Variants in DOCK2 observed in about 807,000 individuals in gnomAD.
DOCK2 encodes dedicator of cytokinesis protein 2.
Under a neutral mutation model 248.9 loss-of-function variants are expected in DOCK2, and 87 were observed. The ratio of observed to expected loss-of-function variants is 0.35; its 90% confidence interval spans 0.29 to 0.42. The LOEUF is 0.42. Ranked by LOEUF, DOCK2 falls within the 10% of genes least tolerant of loss-of-function variation. The probability of loss-of-function intolerance (pLI) is 1.00; values close to 1 mark genes in which losing one functional copy is unlikely to be tolerated. For missense variants in DOCK2, 1,747 were observed against 2,300.2 expected, an observed-to-expected ratio of 0.76 and a Z score of 4.92; for synonymous variants, 805 against 821.6, an observed-to-expected ratio of 0.98 and a Z score of 0.35.
chr5:169,776,348 AG>A (rs1302656281), intron 25 of DOCK2, among the ~76,000 whole-genome samples: 1 of 151,846 alleles, frequency 6.6e-6, no homozygotes, highest in East Asian at 1.9e-4. Flanking sequence ...TATTTTTTGT[AG>A]GGACAGGGTC....
intron 22 of DOCK2, among the ~76,000 whole-genome samples, chr5:169,738,114 G>T (rs1763134134): frequency 6.6e-6 from 1 of 152,184 alleles, no homozygotes; most frequent in Admixed American, 6.5e-5. Context: ...TTGCTTGCTT[G>T]GTGGTGGGGA....
intron 23 of DOCK2, among the ~76,000 whole-genome samples, chr5:169,758,950 A>G (rs1182680432): frequency 1.3e-5 from 2 of 152,266 alleles, no homozygotes; most frequent in African/African-American, 2.4e-5. Context: ...TAAAAAATGC[A>G]TACTTCCATT....
At chr5:169,654,648 C>T (rs1758000864) in intron 2 of DOCK2, among the ~76,000 whole-genome samples, 162 bp downstream of exon 2, 1 of 152,216 alleles carries the variant, frequency 6.6e-6, no homozygotes, top group Admixed American at 6.5e-5. Context: ...GAAATGCTTT[C>T]TCATTTTAGG....
Position 169,971,067 on chromosome 5 carries a change from C to T in DOCK2, c.2800-12001C>T, listed in dbSNP as rs1412941588. ...AATGATGACGGGGAGAGGGAGTCAG[C>T]AGGCAGCTAATGCGGACTGCAGAGG... On this transcript the variant is annotated intron_variant, in intron 27 of 51. Transcript: ENST00000520908. Among the ~76,000 whole-genome samples, 3 of 151,948 alleles carry T rather than the reference C, an allele frequency of 2.0e-5. No individual in the cohort carries two copies. The East Asian group carries it at 5.8e-4, about 29-fold the overall frequency.
At chr5:169,836,692 A>T (rs946722257) in intron 26 of DOCK2, among the ~76,000 whole-genome samples, 2 of 146,230 alleles carry the variant, frequency 1.4e-5, no homozygotes, top group Admixed American at 1.4e-4. Context: ...TTCTAAGTAG[A>T]TACTGTTTGC....
intron 1 of DOCK2, among the ~76,000 whole-genome samples, chr5:169,644,533 A>G (rs960180285): frequency 5.3e-5 from 8 of 152,042 alleles, no homozygotes; most frequent in Non-Finnish European, 1.0e-4. Flanking sequence ...GGCTGCATCG[A>G]GGCCTTCCCT....
intron 38 of DOCK2, among the ~76,000 whole-genome samples, chr5:170,042,349 T>C (rs1251164154): frequency 6.6e-6 from 1 of 152,128 alleles, no homozygotes; most frequent in Non-Finnish European, 1.5e-5. Flanking sequence ...TCCTAAACAA[T>C]TTTCCTGCTT....
At chr5:169,947,518 A>G (rs575021511) in intron 27 of DOCK2, among the ~76,000 whole-genome samples, 1 of 152,342 alleles carries the variant, frequency 6.6e-6, no homozygotes, top group Non-Finnish European at 1.5e-5. Flanking sequence ...CCACGCAACT[A>G]ATATCAGATT....
intron 19 of DOCK2, among the ~76,000 whole-genome samples, chr5:169,715,020 G>A (rs944979272): frequency 6.6e-6 from 1 of 152,050 alleles, no homozygotes; most frequent in Non-Finnish European, 1.5e-5. Flanking sequence ...ACTACCCACA[G>A]ATCATTGTTA....
chr5:169,660,893 C>T (rs1758409450), intron 2 of DOCK2, among the ~76,000 whole-genome samples: 1 of 151,964 alleles, frequency 6.6e-6, no homozygotes, highest in South Asian at 2.1e-4. Context: ...GCTCAGACGT[C>T]AGTAAACTTC....
chr5:170,012,865 T>C (rs1208089251), intron 32 of DOCK2, among the ~76,000 whole-genome samples: 3 of 152,326 alleles, frequency 2.0e-5, no homozygotes, highest in East Asian at 1.9e-4. Flanking sequence ...GAAGGACACA[T>C]TCTAGCGCCT....
At chr5:169,695,972 G>C (rs767286381) in intron 10 of DOCK2, 34 bp downstream of exon 10, 1 of 1,547,924 alleles carries the variant, frequency 6.5e-7, no homozygotes, top group South Asian at 1.2e-5. Flanking sequence ...TGATTTTTAT[G>C]GGAGCGCACA....
chr5:170,027,617 T>G (rs778064429), intron 33 of DOCK2, among the ~76,000 whole-genome samples: 16 of 152,174 alleles, frequency 1.1e-4, no homozygotes, highest in Non-Finnish European at 2.2e-4. Flanking sequence ...TCTCCTGCAC[T>G]CGCGCTCTCT....
At chr5:169,945,616 A>G (rs190685757) in intron 27 of DOCK2, among the ~76,000 whole-genome samples, 71 of 152,344 alleles carry the variant, frequency 4.7e-4, no homozygotes, top group Non-Finnish European at 6.8e-4. Flanking sequence ...CCCAGAGCTC[A>G]CAGCTACTAA....
In DOCK2 at chr5:169,761,612, C is replaced by A; in HGVS notation, c.2541C>A (p.Leu847=). The change falls in exon 25 of 52, where the codon CTC becomes CTA. Residue 847 remains leucine, a synonymous_variant. Transcript: ENST00000520908. ...QSMNEIVQSN[L]FKKQECRDIL... is the part of the protein sequence containing the mutation. ...TGAATGAGATAGTCCAGAGCAACCT[C>A]TTTAAAAAGCAAGGTGAGTACACAG... 1 of 1,613,906 alleles carries A rather than the reference C, an allele frequency of 6.2e-7. No homozygotes were observed. The highest frequency in any genetic ancestry group is 1.3e-5 in the African/African-American group (1 of 75,034).
intron 22 of DOCK2, among the ~76,000 whole-genome samples, chr5:169,745,832 A>T (rs1182927151): frequency 6.6e-6 from 1 of 152,130 alleles, no homozygotes; most frequent in Non-Finnish European, 1.5e-5. Flanking sequence ...TCTAGAATAT[A>T]TATGCTGTGG....
At position 170,081,703 on chromosome 5, in the gene DOCK2, C is replaced by A. The variant is rs571255904; in HGVS notation, c.5288-139C>A. 4.9e-5 allele frequency: 48 copies of A among 980,550 alleles called. No individual in the cohort carries two copies. The Admixed American group carries it at 1.1e-3, about 23-fold the overall frequency. 60.7% of individuals were successfully genotyped at this position (980,550 alleles called of 1,614,324 possible). A position where few individuals can be genotyped will look rare whatever the true frequency, so the allele number is the denominator to read the frequency against. ...CCCTGGCACGGCAGGAAATAGGCAT[C>A]CTGCCTCCTGCTTGGCACATACAAT... On this transcript the variant is annotated intron_variant, in intron 50 of 51. Transcript: ENST00000520908.
intron 32 of DOCK2, among the ~76,000 whole-genome samples, chr5:170,016,378 A>G (rs1243321259): frequency 6.6e-6 from 1 of 152,232 alleles, no homozygotes; most frequent in Non-Finnish European, 1.5e-5. Flanking sequence ...TTCTGCGTGC[A>G]TGTGTATGCA....
intron 26 of DOCK2, among the ~76,000 whole-genome samples, chr5:169,817,498 CTATTCAT>C (rs1341907057): frequency 1.3e-5 from 2 of 152,218 alleles, no homozygotes; most frequent in East Asian, 3.8e-4. Flanking sequence ...CCTCAGTGGT[CTATTCAT>C]TATTTCAGAA....
Sources: gnomAD v4.1 joint callset for allele counts (sites outside exome capture counted in the v4.1 genomes callset) on GRCh38, gnomAD v4.1.1 for gene constraint, MANE v1.5 for transcripts, NCBI Gene and HGNC (gene_info 2026-07-23, HGNC 2026-07-21) for gene names.